The following POF1B variants were observed in gnomAD, a reference collection of about 807,000 sequenced individuals.
The protein encoded by POF1B is POF1B actin binding protein, also known as protein POF1B.
In POF1B, 53 loss-of-function variants were observed where a neutral mutation model predicts 55.3. The observed-to-expected ratio is 0.96, with a 90% CI of 0.77 to 1.20. POF1B has a LOEUF of 1.20. Ranked by LOEUF, POF1B falls within the 50% of genes most tolerant of loss-of-function variation. The pLI is 0.00. For missense variants in POF1B, 478 were observed against 420.5 expected (o/e 1.14, Z -1.20); for synonymous variants, 188 against 148.3 (o/e 1.27, Z -1.95).
chrX:85,364,116 T>G (rs907033374), intron 3 of POF1B, among the ~76,000 whole-genome samples: 3 of 111,631 alleles, frequency 2.7e-5, no homozygotes, highest in African/African-American at 9.8e-5. Flanking sequence ...CTCCATCCCT[T>G]TACTTTTAGC....
intron 7 of POF1B, among the ~76,000 whole-genome samples, chrX:85,325,986 C>G (rs1268677796): frequency 1.8e-5 from 2 of 110,851 alleles, no homozygotes; most frequent in East Asian, 5.8e-4. Context: ...TGCTCTAATT[C>G]TGGGGAGTCG....
intron 9 of POF1B, among the ~76,000 whole-genome samples, chrX:85,310,842 A>G (rs1404312602): frequency 1.8e-5 from 2 of 112,353 alleles, no homozygotes; most frequent in Non-Finnish European, 1.9e-5. Context: ...TTTTCAAAGC[A>G]GCAAGAAAAA....
At chrX:85,309,890 A>AT (rs1375400865) in intron 9 of POF1B, among the ~76,000 whole-genome samples, 1 of 111,936 alleles carries the variant, frequency 8.9e-6, no homozygotes. Context: ...ATGAAATTCC[A>AT]TGCACTGTGA....
Position 85,286,151 on chromosome X carries a change from T to C in POF1B, c.1650-3834A>G, listed in dbSNP as rs763757726. Among the ~76,000 whole-genome samples, 54 of 111,322 alleles carry C rather than the reference T, an allele frequency of 4.9e-4. 1 individual carries two copies. The highest frequency in any genetic ancestry group is 8.1e-4 in the Non-Finnish European group (43 of 52,898). On this transcript the variant is annotated intron_variant, in intron 15 of 16. Coordinates refer to ENST00000262753, the MANE Select transcript of POF1B (RefSeq NM_024921.4). Reference sequence around the variant, plus strand: ...ATAATATATGTGAAAGAAGTTTATATGATAAAAATAGTAGAAGTCATATTA... The same window carrying C: ...ATAATATATGTGAAAGAAGTTTATACGATAAAAATAGTAGAAGTCATATTA...
rs777292155 is a variant in POF1B, at chrX:85,367,761, G to A, written c.288C>T (p.Leu96=). 1 of 1,138,831 alleles carries A rather than the reference G, an allele frequency of 8.8e-7. No homozygotes were observed. The highest frequency in any genetic ancestry group is 2.0e-5 in the South Asian group (1 of 50,999). The allele number at this position is 1,138,831 out of a possible 1,213,427, so 93.9% of individuals were successfully genotyped here. Residue 96 remains leucine (L), a synonymous_variant, in exon 3 of 17, where the codon CTC becomes CTT. Coordinates refer to ENST00000262753, the MANE Select transcript of POF1B (RefSeq NM_024921.4). ...NLVWSDHSQE[L]HSPTLKISTC... is the part of the protein sequence containing the mutation. ...TAGATATTTTTAAAGTTGGAGAATGGAGTTCCTGTTAAGAGAAACAAAAGG... is the reference window on the plus strand; with the variant it reads ...TAGATATTTTTAAAGTTGGAGAATGAAGTTCCTGTTAAGAGAAACAAAAGG...
rs1309230430 is a variant in POF1B, at chrX:85,350,330, A to G, written c.540+1020T>C. On this transcript the variant is annotated intron_variant, in intron 5 of 16. Transcript: ENST00000262753. ...TAGTTTACTGAGAATGATGATTTCCAATTTCATCCATGTCCCTACAAAGGA... is the reference window on the plus strand; with the variant it reads ...TAGTTTACTGAGAATGATGATTTCCGATTTCATCCATGTCCCTACAAAGGA... Among the ~76,000 whole-genome samples, 713 of 110,294 alleles carry G rather than the reference A, an allele frequency of 6.5e-3. 11 individuals carry two copies. Among genetic ancestry groups the G allele is most frequent in the African/African-American group, 0.022 (676 of 30,305 alleles).
At chrX:85,336,977 G>A (rs186070868) in intron 6 of POF1B, among the ~76,000 whole-genome samples, 19 of 111,452 alleles carry the variant, frequency 1.7e-4, no homozygotes, top group Non-Finnish European at 2.5e-4. Flanking sequence ...TCTTGTATAT[G>A]GTGAGAGATA....
intron 5 of POF1B, among the ~76,000 whole-genome samples, chrX:85,348,108 A>G (rs1208093420): frequency 9.0e-6 from 1 of 111,210 alleles, no homozygotes. Flanking sequence ...TTGTTAATGT[A>G]TCAGTTGTCT....
Position 85,351,435 on chromosome X carries a change from A to T in POF1B, c.455T>A (p.Phe152Tyr). 2 of 1,183,516 alleles carry T rather than the reference A, an allele frequency of 1.7e-6. No individual in the cohort carries two copies. The highest frequency in any genetic ancestry group is 2.3e-6 in the Non-Finnish European group (2 of 876,726). ...QNPEQEPLSQ[F>Y]LRGSHFFPGN... The stretch of plus-strand genomic sequence containing the variant: ...TGGGAAGAAATGGCTTCCTCTTAGG[A>T]ATTGAGACAGTGGTTCCTAAAATGA... The change falls in exon 5 of 17, where the codon TTC (phenylalanine) becomes TAC (tyrosine). Residue 152 changes from phenylalanine (F) to tyrosine (Y), a missense_variant. Phe to Tyr is a conservative substitution (Grantham distance 22). Coordinates refer to ENST00000262753, the MANE Select transcript of POF1B (RefSeq NM_024921.4).
intron 16 of POF1B, among the ~76,000 whole-genome samples, chrX:85,280,818 G>A (rs1193102354): frequency 9.0e-6 from 1 of 110,654 alleles, no homozygotes; most frequent in Non-Finnish European, 1.9e-5. Flanking sequence ...CACCAGTGTA[G>A]GAGTATATAA....
chrX:85,292,346 G>T (rs1932210426), intron 15 of POF1B, among the ~76,000 whole-genome samples: 1 of 111,571 alleles, frequency 9.0e-6, no homozygotes, highest in African/African-American at 3.3e-5. Flanking sequence ...GCCAGTATTT[G>T]TTGAGGATTT....
intron 3 of POF1B, among the ~76,000 whole-genome samples, chrX:85,367,194 C>G (rs1933739397): frequency 9.0e-6 from 1 of 111,527 alleles, no homozygotes; most frequent in African/African-American, 3.3e-5. Flanking sequence ...ATTATTATAG[C>G]TACCTTTTGG....
At chrX:85,331,118 G>C in intron 6 of POF1B, 39 bp from the exon 7 acceptor site, 1 of 1,142,946 alleles carries the variant, frequency 8.7e-7, no homozygotes, top group Admixed American at 2.5e-5. Context: ...GCAATATTAA[G>C]TTTTTCTAAG....
At chrX:85,350,674 C>A (rs766219348) in intron 5 of POF1B, among the ~76,000 whole-genome samples, 1 of 111,241 alleles carries the variant, frequency 9.0e-6, no homozygotes, top group East Asian at 2.9e-4. Context: ...TCCTATTTCT[C>A]CACATCCTGA....
At position 85,355,002 on chromosome X, in the gene POF1B, G is replaced by C. The variant is rs1363141447; in HGVS notation, c.439-3551C>G. ...CAAAAAAGAGCCCACATTGCCAAGAGAATCCTAAGCCAAAAGAACAAAGCT... is the reference window on the plus strand; with the variant it reads ...CAAAAAAGAGCCCACATTGCCAAGACAATCCTAAGCCAAAAGAACAAAGCT... On this transcript the variant is annotated intron_variant, in intron 4 of 16. Coordinates refer to ENST00000262753, the MANE Select transcript of POF1B (RefSeq NM_024921.4). 2.7e-5 allele frequency among the ~76,000 whole-genome samples: 3 copies of C among 111,161 alleles called. No individual in the cohort carries two copies. In the East Asian group the frequency reaches 8.6e-4, roughly 32 times the overall value.
At chrX:85,354,960 TAAGGTTC>T (rs1933461239) in intron 4 of POF1B, among the ~76,000 whole-genome samples, 1 of 111,400 alleles carries the variant, frequency 9.0e-6, no homozygotes, top group Non-Finnish European at 1.9e-5. Context: ...AAAGCTACTT[TAAGGTTC>T]ATATGGAACC....
chrX:85,325,323 C>A (rs958717604), intron 7 of POF1B, among the ~76,000 whole-genome samples: 2 of 111,410 alleles, frequency 1.8e-5, no homozygotes, highest in African/African-American at 6.5e-5. Flanking sequence ...GCCCGGGAGT[C>A]ATAGATTGGG....
At chrX:85,357,596 T>C (rs893948518) in intron 4 of POF1B, among the ~76,000 whole-genome samples, 4 of 111,395 alleles carry the variant, frequency 3.6e-5, no homozygotes, top group African/African-American at 1.3e-4. Context: ...TTCTTATGCC[T>C]TTTGGTCATT....
At chrX:85,327,092 A>T (rs1036847899) in intron 7 of POF1B, among the ~76,000 whole-genome samples, 7 of 110,414 alleles carry the variant, frequency 6.3e-5, no homozygotes, top group African/African-American at 2.3e-4. Context: ...CTCCGCACTG[A>T]CTGGAGTTCT....
Sources: allele counts gnomAD v4.1 joint callset (sites outside exome capture counted in the v4.1 genomes callset), GRCh38; gene constraint gnomAD v4.1.1; transcripts MANE v1.5; gene names NCBI Gene and HGNC (gene_info 2026-07-23, HGNC 2026-07-21).